The following ZNF383 variants were observed in gnomAD, a reference collection of about 807,000 sequenced individuals.
The protein encoded by ZNF383 is zinc finger protein 383.
ZNF383 carries 32 observed loss-of-function variants against 44.2 expected under a neutral mutation model. That is an observed-to-expected ratio of 0.72 (90% confidence interval 0.55 to 0.97). The LOEUF (loss-of-function observed/expected upper bound fraction) is 0.97, where lower values mean the gene tolerates loss of function less well. Ranked by LOEUF, ZNF383 falls within the 50% of genes least tolerant of loss-of-function variation. The probability of loss-of-function intolerance (pLI) is 0.00; values close to 1 mark genes in which losing one functional copy is unlikely to be tolerated. For missense variants in ZNF383, 487 were observed against 562.5 expected (o/e 0.87, Z 1.36); for synonymous variants, 155 against 186.2 (o/e 0.83, Z 1.36).
chr19:37,224,710 T>G (rs576072879), intron 1 of ZNF383, 108 bp from the exon 2 acceptor site: 2 of 151,126 alleles, frequency 1.3e-5, no homozygotes, highest in Middle Eastern at 3.4e-3. Flanking sequence ...TGTGCCACCA[T>G]GCCCAGCTAG....
intron 5 of ZNF383, among the ~76,000 whole-genome samples, chr19:37,239,759 C>T (rs1433246334): frequency 6.6e-6 from 1 of 152,124 alleles, no homozygotes; most frequent in Non-Finnish European, 1.5e-5. Flanking sequence ...GAGGCTACTT[C>T]ACTGGTCTGG....
At chr19:37,222,961 G>A (rs1430080530) in intron 1 of ZNF383, among the ~76,000 whole-genome samples, 1 of 152,188 alleles carries the variant, frequency 6.6e-6, no homozygotes, top group Non-Finnish European at 1.5e-5. Context: ...ACAACAAGAA[G>A]CTTTACTAGA....
chr19:37,232,130 C>T lies in ZNF383; in HGVS notation c.9+1668C>T, dbSNP rs1345598166. 4.6e-5 allele frequency among the ~76,000 whole-genome samples: 7 copies of T among 150,750 alleles called. No homozygotes were observed. In the East Asian group the frequency reaches 1.4e-3, roughly 29 times the overall value. On this transcript the variant is annotated intron_variant, in intron 3 of 5. Coordinates refer to ENST00000684119, the MANE Select transcript of ZNF383 (RefSeq NM_001387601.1). Reference sequence around the variant, plus strand: ...TCACTCTGTCGCCTAGGCTAGAGTGCAGTGGCACGATCTCGGCTCACTGCA... The same window carrying T: ...TCACTCTGTCGCCTAGGCTAGAGTGTAGTGGCACGATCTCGGCTCACTGCA...
Position 37,235,239 on chromosome 19 carries a change from C to T in ZNF383, c.10-310C>T, listed in dbSNP as rs949830987. On this transcript the variant is annotated intron_variant, in intron 3 of 5. Transcript: ENST00000684119. ...GGTGAGCCGACATCATGCCACTGCACTCTAGTCTGGGTGACAAAAGCGAAT... is the reference window on the plus strand; with the variant it reads ...GGTGAGCCGACATCATGCCACTGCATTCTAGTCTGGGTGACAAAAGCGAAT... 5.2e-4 allele frequency among the ~76,000 whole-genome samples: 78 copies of T among 150,702 alleles called. 1 individual carries two copies. The highest frequency in any genetic ancestry group is 2.0e-4 in the Admixed American group (3 of 15,046).
chr19:37,241,617 G>A (rs1473485041), intron 5 of ZNF383, among the ~76,000 whole-genome samples: 1 of 152,056 alleles, frequency 6.6e-6, no homozygotes, highest in Non-Finnish European at 1.5e-5. Context: ...ACTTCTCAGA[G>A]GTCAAGCAGC....
Position 37,242,571 on chromosome 19 carries a change from T to C in ZNF383, c.335T>C (p.Leu112Pro). ...REIMGLTKHG[L>P]EYSSFGDVLE... ...ATAATGGGACTTACAAAGCATGGCC[T>C]TGAGTACTCCAGTTTTGGAGATGTT... Residue 112 changes from leucine to proline, a missense_variant, in exon 6 of 6, where the codon CTT (leucine) becomes CCT (proline). Transcript: ENST00000684119. The C allele has an allele frequency of 6.2e-7, 1 of 1,614,036 alleles. No homozygotes were observed. Among genetic ancestry groups the C allele is most frequent in the Non-Finnish European group, 8.5e-7 (1 of 1,179,940 alleles).
In ZNF383 at chr19:37,235,599, G is replaced by C; in HGVS notation, c.60G>C (p.Trp20Cys). The C allele has an allele frequency of 6.2e-7, 1 of 1,613,958 alleles. No homozygotes were observed. The highest frequency in any genetic ancestry group is 1.3e-5 in the African/African-American group (1 of 75,016). The change falls in exon 4 of 6, where the codon TGG becomes TGC. Residue 20 changes from tryptophan to cysteine, a missense_variant. Coordinates refer to ENST00000684119, the MANE Select transcript of ZNF383 (RefSeq NM_001387601.1). ...CCATAGACTTCTCTCAGGAGGAGTG[G>C]GACTGCCTGGACCCTGTTCAGAGGG... is the stretch of plus-strand genomic sequence containing the variant. Reference protein sequence around the residue: ...DVSIDFSQEEWDCLDPVQRDL... With the variant: ...DVSIDFSQEECDCLDPVQRDL...
chr19:37,235,293 AGAAAT>A (rs1973730799), intron 3 of ZNF383, among the ~76,000 whole-genome samples: 1 of 151,872 alleles, frequency 6.6e-6, no homozygotes, highest in Non-Finnish European at 1.5e-5. Context: ...AAAAAAGAAA[AGAAAT>A]CACAATCTAG....
At chr19:37,235,157 C>T (rs1973720442) in intron 3 of ZNF383, among the ~76,000 whole-genome samples, 1 of 152,006 alleles carries the variant, frequency 6.6e-6, no homozygotes, top group Admixed American at 6.6e-5. Flanking sequence ...CCTGTAATCC[C>T]CGCTACTCGG....
chr19:37,220,642 T>C (rs1972879703), intron 1 of ZNF383, among the ~76,000 whole-genome samples: 1 of 151,840 alleles, frequency 6.6e-6, no homozygotes, highest in African/African-American at 2.4e-5. Flanking sequence ...GTTTAAGAAG[T>C]AATTATAAAG....
At chr19:37,222,171 T>C (rs1456023294) in intron 1 of ZNF383, among the ~76,000 whole-genome samples, 4 of 152,056 alleles carry the variant, frequency 2.6e-5, no homozygotes, top group Non-Finnish European at 5.9e-5. Flanking sequence ...TTCACTTTTT[T>C]TTTCCTACTG....
intron 3 of ZNF383, 96 bp from the exon 4 acceptor site, chr19:37,235,453 A>T (rs763867313): frequency 3.3e-5 from 42 of 1,275,496 alleles, no homozygotes; most frequent in Non-Finnish European, 4.5e-5. Context: ...TGACACCAAT[A>T]TAATGACTCA....
At chr19:37,219,170 C>T (rs1972804514) in intron 1 of ZNF383, 1 of 152,692 alleles carries the variant, frequency 6.5e-6, no homozygotes, top group African/African-American at 2.4e-5. Context: ...CCAGCTCTCC[C>T]TGTGAGGTCA....
chr19:37,241,132 A>G (rs1974064824), intron 5 of ZNF383, among the ~76,000 whole-genome samples: 1 of 152,064 alleles, frequency 6.6e-6, no homozygotes, highest in Non-Finnish European at 1.5e-5. Flanking sequence ...TATCCACTGT[A>G]TCCTTTATTA....
chr19:37,233,412 T>C (rs775907451), intron 3 of ZNF383, among the ~76,000 whole-genome samples: 2 of 151,426 alleles, frequency 1.3e-5, no homozygotes, highest in Non-Finnish European at 2.9e-5. Context: ...ATTACAGGCG[T>C]GAGCCACTGC....
chr19:37,224,443 T>A (rs1443620229), intron 1 of ZNF383, among the ~76,000 whole-genome samples: 1 of 152,208 alleles, frequency 6.6e-6, no homozygotes, highest in Non-Finnish European at 1.5e-5. Context: ...TAGTGTTTGG[T>A]ACCTGGGACT....
At chr19:37,228,870 ATTATT>A (rs1218260826) in intron 2 of ZNF383, among the ~76,000 whole-genome samples, 3 of 152,288 alleles carry the variant, frequency 2.0e-5, no homozygotes, top group African/African-American at 4.8e-5. Flanking sequence ...GTAAAAAAAA[ATTATT>A]TTATTCGCCC....
chr19:37,233,756 T>C (rs1973624934), intron 3 of ZNF383, among the ~76,000 whole-genome samples: 1 of 152,036 alleles, frequency 6.6e-6, no homozygotes, highest in African/African-American at 2.4e-5. Flanking sequence ...CTATGGGAAA[T>C]GTCCTAATAG....
chr19:37,236,954 AACACACACACACAC>A (rs35036376), intron 5 of ZNF383, among the ~76,000 whole-genome samples: 401 of 146,774 alleles, frequency 2.7e-3, no homozygotes, highest in Middle Eastern at 0.014. Context: ...CACACATGTG[AACACACACACACAC>A]ACACACACAC....
Sources: allele counts gnomAD v4.1 joint callset (sites outside exome capture counted in the v4.1 genomes callset), GRCh38; gene constraint gnomAD v4.1.1; transcripts MANE v1.5; gene names NCBI Gene and HGNC (gene_info 2026-07-23, HGNC 2026-07-21).